The following TMEM248 variants were observed in gnomAD, a reference collection of about 807,000 sequenced individuals.
The protein encoded by TMEM248 is UPF0458 protein C7orf42.
In TMEM248, 9 loss-of-function variants were observed where a neutral mutation model predicts 30.3. The observed-to-expected ratio is 0.30, with a 90% CI of 0.18 to 0.52. The LOEUF (loss-of-function observed/expected upper bound fraction) is 0.52, where lower values mean the gene tolerates loss of function less well. Among genes scored for constraint, TMEM248 ranks in the 20% least tolerant of loss-of-function variants. TMEM248 has a pLI of 0.97. For synonymous variants in TMEM248, 184 were observed against 154.4 expected, an observed-to-expected ratio of 1.19 and a Z score of -1.42; for missense variants, 338 against 403.3, an observed-to-expected ratio of 0.84 and a Z score of 1.39.
rs1198708472 is a variant in TMEM248, at chr7:66,956,903, A to C, written c.*1381A>C. On this transcript the variant is annotated 3_prime_UTR_variant, in exon 7 of 7. Transcript: ENST00000341567. ...TTGCCCAGGCTGGTCTGGAACTCCTAGCTTCAAATGATCCTCTCACCTCGG... is the reference window on the plus strand; with the variant it reads ...TTGCCCAGGCTGGTCTGGAACTCCTCGCTTCAAATGATCCTCTCACCTCGG... The C allele has an allele frequency of 6.6e-6, 1 of 152,234 alleles. No homozygotes were observed. Among genetic ancestry groups the C allele is most frequent in the African/African-American group, 2.4e-5 (1 of 41,414 alleles). 9.4% of individuals were successfully genotyped at this position (152,234 alleles called of 1,614,324 possible).
intron 2 of TMEM248, among the ~76,000 whole-genome samples, chr7:66,943,806 T>C (rs1260786474): frequency 6.6e-6 from 1 of 151,806 alleles, no homozygotes; most frequent in African/African-American, 2.4e-5. Flanking sequence ...TTTTTTTTTT[T>C]TTTGAGGTGG....
chr7:66,931,674 T>G (rs553769380), intron 1 of TMEM248, among the ~76,000 whole-genome samples: 92 of 151,862 alleles, frequency 6.1e-4, no homozygotes, highest in Non-Finnish European at 8.1e-4. Context: ...GACGGGGTCT[T>G]GTTGTGTTGG....
intron 3 of TMEM248, among the ~76,000 whole-genome samples, chr7:66,945,833 CCGAG>C (rs2129224722): frequency 6.6e-6 from 1 of 152,290 alleles, no homozygotes; most frequent in East Asian, 1.9e-4. Context: ...CGCCTGTAAT[CCGAG>C]CACTTTGGGA....
chr7:66,922,689 G>A (rs537807203), intron 1 of TMEM248, among the ~76,000 whole-genome samples: 1 of 150,000 alleles, frequency 6.7e-6, no homozygotes, highest in Admixed American at 6.6e-5. Flanking sequence ...TCTGTGGCAA[G>A]GAGGAAAGGT....
At chr7:66,945,353 A>G (rs1285389870) in intron 3 of TMEM248, 92 bp downstream of exon 3, 24 of 1,382,882 alleles carry the variant, frequency 1.7e-5, no homozygotes, top group Non-Finnish European at 2.4e-5. Flanking sequence ...ACTATATTGT[A>G]CTAGATTGTA....
At chr7:66,931,438 G>T (rs894163990) in intron 1 of TMEM248, among the ~76,000 whole-genome samples, 10 of 151,898 alleles carry the variant, frequency 6.6e-5, no homozygotes, top group African/African-American at 2.4e-4. Flanking sequence ...GTGGCATAAT[G>T]AATGTTAACT....
chr7:66,926,657 AAAG>A (rs1444987450), intron 1 of TMEM248, among the ~76,000 whole-genome samples: 1 of 151,394 alleles, frequency 6.6e-6, no homozygotes, highest in East Asian at 1.9e-4. Flanking sequence ...AAAAAAAAGA[AAAG>A]AAAGAAAAAT....
intron 1 of TMEM248, among the ~76,000 whole-genome samples, chr7:66,928,366 C>T (rs1791577265): frequency 6.7e-6 from 1 of 148,726 alleles, no homozygotes; most frequent in Non-Finnish European, 1.5e-5. Flanking sequence ...TGACTTGAAA[C>T]TGTCTTATCA....
rs759894500 is a variant in TMEM248, at chr7:66,951,016, A to G, written c.661A>G (p.Thr221Ala). The G allele has an allele frequency of 1.9e-6, 3 of 1,612,722 alleles. No homozygotes were observed. The highest frequency in any genetic ancestry group is 2.2e-5 in the South Asian group (2 of 90,812). Residue 221 changes from threonine to alanine, a missense_variant, in exon 5 of 7, where the codon ACT becomes GCT. Transcript: ENST00000341567. ...CACGCTCTGGTACAAGATCTTCACA[A>G]CTGCCAGAGATGCCAACACAAAATA... ...NATLWYKIFT[T>A]ARDANTKYAQ...
At chr7:66,945,323 C>T in intron 3 of TMEM248, 62 bp downstream of exon 3, 5 of 1,551,920 alleles carry the variant, frequency 3.2e-6, no homozygotes, top group Admixed American at 1.7e-5. Context: ...AAAGAGGATG[C>T]ACCGTGTATG....
intron 1 of TMEM248, among the ~76,000 whole-genome samples, chr7:66,924,554 G>A (rs997559368): frequency 2.6e-5 from 4 of 152,026 alleles, no homozygotes; most frequent in African/African-American, 9.7e-5. Context: ...ACAGATGCCC[G>A]CCACCATGCC....
In TMEM248 at chr7:66,955,538, T is replaced by G; in HGVS notation, c.*16T>G. 6.2e-7 allele frequency: 1 copy of G among 1,614,070 alleles called. No individual in the cohort carries two copies. Among genetic ancestry groups the G allele is most frequent in the East Asian group, 2.2e-5 (1 of 44,878 alleles). ...TGAAGCCTAATTCCACAGCTCCTTG[T>G]TTTTTGAGAGAGACTGAGAGAACCA... On this transcript the variant is annotated 3_prime_UTR_variant, in exon 7 of 7. Transcript: ENST00000341567.
intron 1 of TMEM248, among the ~76,000 whole-genome samples, chr7:66,929,007 C>T (rs1247056029): frequency 6.6e-6 from 1 of 152,104 alleles, no homozygotes; most frequent in Non-Finnish European, 1.5e-5. Context: ...AGGCTGGTCT[C>T]GAATTCCTGG....
In TMEM248 at chr7:66,948,592, C is replaced by T. The variant is rs753636161; in HGVS notation, c.494C>T (p.Ala165Val). 6.8e-6 allele frequency: 11 copies of T among 1,613,984 alleles called. No individual in the cohort carries two copies. Among genetic ancestry groups the T allele is most frequent in the Middle Eastern group, 1.6e-4 (1 of 6,084 alleles). Residue 165 changes from alanine to valine, a missense_variant, in exon 4 of 7, where the codon GCG becomes GTG. Ala to Val is a moderately conservative substitution (Grantham distance 64). Transcript: ENST00000341567. The stretch of plus-strand genomic sequence containing the variant: ...AACATCACCTTCACCCTGCCTACAG[C>T]GTGGAGCTCAGATGACTGCGCCCTC... Reference protein sequence around the residue: ...EINITFTLPTAWSSDDCALHG... With the variant: ...EINITFTLPTVWSSDDCALHG...
At chr7:66,929,660 C>G (rs1177835559) in intron 1 of TMEM248, among the ~76,000 whole-genome samples, 1 of 151,988 alleles carries the variant, frequency 6.6e-6, no homozygotes, top group Non-Finnish European at 1.5e-5. Flanking sequence ...TCTCAAACTC[C>G]TGGCCTCAGG....
At chr7:66,940,179 C>T (rs1791911566) in intron 1 of TMEM248, among the ~76,000 whole-genome samples, 1 of 152,092 alleles carries the variant, frequency 6.6e-6, no homozygotes, top group South Asian at 2.1e-4. Flanking sequence ...GTCTCGAACT[C>T]CTGACCTCAA....
At chr7:66,926,168 C>T (rs957448672) in intron 1 of TMEM248, among the ~76,000 whole-genome samples, 1 of 152,144 alleles carries the variant, frequency 6.6e-6, no homozygotes, top group Admixed American at 6.5e-5. Flanking sequence ...GGCCATTTGT[C>T]GGTCTCTTGA....
rs1409530628 is a variant in TMEM248, at chr7:66,921,290, C to T, written c.-190C>T. The T allele has an allele frequency of 1.3e-5, 2 of 150,516 alleles. No homozygotes were observed. The highest frequency in any genetic ancestry group is 3.0e-5 in the Non-Finnish European group (2 of 67,600). The allele number at this position is 150,516 out of a possible 1,614,324, so 9.3% of individuals were successfully genotyped here. On this transcript the variant is annotated 5_prime_UTR_variant, in exon 1 of 7. Coordinates refer to ENST00000341567, the MANE Select transcript of TMEM248 (RefSeq NM_017994.5). Reference sequence around the variant, plus strand: ...GGCGGGAGCCCGGTTGGCGTCTGGTCTTCGCGTCGGCCCCGCGGAGCCAGA... The same window carrying T: ...GGCGGGAGCCCGGTTGGCGTCTGGTTTTCGCGTCGGCCCCGCGGAGCCAGA...
chr7:66,926,153 C>T (rs1255113515), intron 1 of TMEM248, among the ~76,000 whole-genome samples: 1 of 152,168 alleles, frequency 6.6e-6, no homozygotes, highest in East Asian at 1.9e-4. Context: ...CCAACTATAT[C>T]TGTTGGCCAT....
Sources: allele counts gnomAD v4.1 joint callset (sites outside exome capture counted in the v4.1 genomes callset), GRCh38; gene constraint gnomAD v4.1.1; transcripts MANE v1.5; gene names NCBI Gene and HGNC (gene_info 2026-07-23, HGNC 2026-07-21).